LCORL: variants seen among roughly 807,000 people sequenced by gnomAD.
The protein encoded by LCORL is ligand-dependent nuclear receptor corepressor-like protein.
LCORL carries 41 observed loss-of-function variants against 141.8 expected under a neutral mutation model. The observed-to-expected ratio is 0.29, with a 90% CI of 0.23 to 0.38. LCORL has a LOEUF of 0.38. Among genes scored for constraint, LCORL ranks in the 10% least tolerant of loss-of-function variants. The pLI is 1.00. For synonymous variants in LCORL, 618 were observed against 694.1 expected, an observed-to-expected ratio of 0.89 and a Z score of 1.72; for missense variants, 1,759 against 2,035.0, an observed-to-expected ratio of 0.86 and a Z score of 2.61.
At chr4:17,997,023 C>T (rs1428781288) in intron 1 of LCORL, among the ~76,000 whole-genome samples, 1 of 152,158 alleles carries the variant, frequency 6.6e-6, no homozygotes, top group African/African-American at 2.4e-5. Flanking sequence ...ACCCATGACG[C>T]TGTTTAAACA....
exon 7 of LCORL, chr4:17,877,651 C>G (rs746089363): frequency 3.0e-5 from 37 of 1,230,300 alleles, no homozygotes; most frequent in Non-Finnish European, 3.0e-5. Context: ...CCTTCAGTTT[C>G]TATAGGTGAT....
chr4:17,932,813 T>C (rs1736262448), intron 4 of LCORL, among the ~76,000 whole-genome samples: 1 of 152,212 alleles, frequency 6.6e-6, no homozygotes, highest in South Asian at 2.1e-4. Context: ...CTCCAATATT[T>C]ATTCTCTGGG....
chr4:18,007,076 G>A (rs1722942518), intron 1 of LCORL, among the ~76,000 whole-genome samples: 1 of 151,984 alleles, frequency 6.6e-6, no homozygotes, highest in Non-Finnish European at 1.5e-5. Flanking sequence ...AACTTGCTTG[G>A]TCTATCTTGA....
Position 17,978,444 on chromosome 4 carries a change from AAAC to A in LCORL, c.155-5562_155-5560del, listed in dbSNP as rs765898764. Among the ~76,000 whole-genome samples the A allele has an allele frequency of 1.7e-3, 258 of 152,194 alleles. 2 individuals carry two copies. Among genetic ancestry groups the A allele is most frequent in the Non-Finnish European group, 2.8e-3 (192 of 68,000 alleles). On this transcript the variant is annotated intron_variant, in intron 1 of 7. Coordinates refer to ENST00000635767, the Ensembl canonical transcript of LCORL. ...AGACCCCTTCTCTACAAAAACATCT[AAAC>A]AACTGGCCCAGAGTGGTGGCACACA...
chr4:17,882,148 C>A, intron 6 of LCORL: 1 of 983,760 alleles, frequency 1.0e-6, no homozygotes. Context: ...CTGAAAATCT[C>A]TTTAGTATTA....
chr4:17,842,531 C>A, exon 8 of LCORL: 1 of 625,710 alleles, frequency 1.6e-6, no homozygotes, highest in Non-Finnish European at 2.8e-6. Flanking sequence ...GTCTAAAATT[C>A]CATCATCAAG....
chr4:17,992,733 T>A (rs1720241979), intron 1 of LCORL, among the ~76,000 whole-genome samples: 1 of 152,238 alleles, frequency 6.6e-6, no homozygotes, highest in South Asian at 2.1e-4. Flanking sequence ...ACTAGTGAAG[T>A]GCTTCTTTAC....
exon 7 of LCORL, chr4:17,875,929 A>T: frequency 8.1e-7 from 1 of 1,231,166 alleles, no homozygotes; most frequent in Non-Finnish European, 1.0e-6. Context: ...TAATGACTGG[A>T]GTGATAATTT....
intron 7 of LCORL, among the ~76,000 whole-genome samples, chr4:17,846,132 G>C (rs781292508): frequency 1.3e-5 from 2 of 152,000 alleles, no homozygotes; most frequent in Non-Finnish European, 2.9e-5. Context: ...GACTGAAAAA[G>C]TAACATTGCA....
intron 1 of LCORL, among the ~76,000 whole-genome samples, chr4:17,985,106 T>C (rs1357523585): frequency 6.6e-6 from 1 of 152,112 alleles, no homozygotes; most frequent in Non-Finnish European, 1.5e-5. Flanking sequence ...TTAATTTATA[T>C]TTTTATTGAG....
At chr4:17,857,368 T>G (rs1724483049) in intron 7 of LCORL, among the ~76,000 whole-genome samples, 1 of 152,128 alleles carries the variant, frequency 6.6e-6, no homozygotes, top group Non-Finnish European at 1.5e-5. Flanking sequence ...CCCAAGTCTG[T>G]GAAAAGAATC....
chr4:18,007,862 T>C (rs1277301969), intron 1 of LCORL, among the ~76,000 whole-genome samples: 1 of 152,086 alleles, frequency 6.6e-6, no homozygotes, highest in Admixed American at 6.5e-5. Context: ...ATAGGCAAAT[T>C]CTATTCTATT....
chr4:17,939,711 T>G, intron 4 of LCORL, among the ~76,000 whole-genome samples: 1 of 151,980 alleles, frequency 6.6e-6, no homozygotes, highest in Non-Finnish European at 1.5e-5. Context: ...GTAAGTTTAG[T>G]TTTAGATCCA....
intron 5 of LCORL, 84 bp downstream of exon 5, chr4:17,909,010 C>T: frequency 8.2e-7 from 1 of 1,223,308 alleles, no homozygotes; most frequent in East Asian, 2.7e-5. Flanking sequence ...AAATAAATTT[C>T]CCTATGAATA....
At chr4:17,954,874 T>C (rs1332558654) in intron 4 of LCORL, among the ~76,000 whole-genome samples, 1 of 152,142 alleles carries the variant, frequency 6.6e-6, no homozygotes, top group Non-Finnish European at 1.5e-5. Flanking sequence ...TAAAATCAAG[T>C]GTTCTGTTTT....
At chr4:17,989,175 T>C (rs917167430) in intron 1 of LCORL, among the ~76,000 whole-genome samples, 1 of 152,220 alleles carries the variant, frequency 6.6e-6, no homozygotes, top group Non-Finnish European at 1.5e-5. Context: ...ATCGTTTTCC[T>C]TTATTTTATT....
At chr4:17,857,645 G>A (rs1724519072) in intron 7 of LCORL, among the ~76,000 whole-genome samples, 1 of 152,040 alleles carries the variant, frequency 6.6e-6, no homozygotes, top group Non-Finnish European at 1.5e-5. Context: ...TTGTTTTGGG[G>A]GGCTGTGCTA....
Position 17,875,195 on chromosome 4 carries a change from A to G in LCORL, c.3795T>C (p.Thr1265=), listed in dbSNP as rs778079188. 16 of 1,231,642 alleles carry G rather than the reference A, an allele frequency of 1.3e-5. No homozygotes were observed. The South Asian group carries it at 6.2e-4, about 47-fold the overall frequency. 76.3% of individuals were successfully genotyped at this position (1,231,642 alleles called of 1,614,324 possible). A position where few individuals can be genotyped will look rare whatever the true frequency, so the allele number is the denominator to read the frequency against. ...TACTTACTTCTCTTTCCTGAGGTGA[A>G]GTTCTATTAATAGTCACAGATATGC... Residue 1265 remains threonine (T), a synonymous_variant, in exon 7 of 8, where the codon ACT becomes ACC. Transcript: ENST00000635767.
At chr4:17,945,382 T>C (rs1006146472) in intron 4 of LCORL, among the ~76,000 whole-genome samples, 7 of 151,584 alleles carry the variant, frequency 4.6e-5, no homozygotes, top group Non-Finnish European at 8.8e-5. Context: ...GTTGGATTGA[T>C]TCAGACACTG....
Sources: gnomAD v4.1 joint callset for allele counts (sites outside exome capture counted in the v4.1 genomes callset) on GRCh38, gnomAD v4.1.1 for gene constraint, MANE v1.5 for transcripts, NCBI Gene and HGNC (gene_info 2026-07-23, HGNC 2026-07-21) for gene names.